COBL: variants seen among roughly 807,000 people sequenced by gnomAD.
COBL encodes the protein cordon-bleu WH2 repeat protein.
In COBL, 51 loss-of-function variants were observed where a neutral mutation model predicts 98.8. That is an observed-to-expected ratio of 0.52 (90% CI 0.41 to 0.65). The LOEUF is 0.65. COBL is among the 30% of genes least tolerant of loss of function. The pLI is 0.00. For missense variants in COBL, 1,617 were observed against 1,617.5 expected, an observed-to-expected ratio of 1.00 and a Z score of 0.01; for synonymous variants, 634 against 651.7, an observed-to-expected ratio of 0.97 and a Z score of 0.41.
At position 51,204,332 on chromosome 7, in the gene COBL, A is replaced by G. The variant is rs7792876; in HGVS notation, c.246-10743T>C. 5.9e-3 allele frequency among the ~76,000 whole-genome samples: 894 copies of G among 152,324 alleles called. 3 individuals are homozygous for G. The highest frequency in any genetic ancestry group is 0.01 in the Non-Finnish European group (701 of 68,032). On this transcript the variant is annotated intron_variant, in intron 2 of 12. Transcript: ENST00000265136. ...CAAAGCAAGGATGTCCGCTCTCACA[A>G]CTTCTATTCAATACAGTACTGGTAG...
At chr7:51,108,178 C>A (rs551083183) in intron 6 of COBL, among the ~76,000 whole-genome samples, 1 of 152,116 alleles carries the variant, frequency 6.6e-6, no homozygotes, top group African/African-American at 2.4e-5. Context: ...CAAGGATCCT[C>A]GGGCCAACAT....
At position 51,182,639 on chromosome 7, in the gene COBL, G is replaced by C. The variant is rs1165587114; in HGVS notation, c.783+1463C>G. ...CTGACAGGAAAGGAAGCTAGGAGAG[G>C]AGGAGGGAGAGTAGGGGGGAAGAGA... On this transcript the variant is annotated intron_variant, in intron 5 of 12. Coordinates refer to ENST00000265136, the MANE Select transcript of COBL (RefSeq NM_015198.5). 6.7e-5 allele frequency among the ~76,000 whole-genome samples: 7 copies of C among 104,258 alleles called. No homozygotes were observed. In the Admixed American group the frequency reaches 7.1e-4, roughly 11 times the overall value. 68.4% of individuals were successfully genotyped at this position (104,258 alleles called of 152,430 possible).
chr7:51,104,606 C>A (rs1796088849), intron 6 of COBL, among the ~76,000 whole-genome samples: 1 of 152,162 alleles, frequency 6.6e-6, no homozygotes, highest in African/African-American at 2.4e-5. Context: ...CACTGGTGGG[C>A]AGGTTATTCT....
intron 7 of COBL, chr7:51,071,655 G>A (rs1160513581): frequency 1.3e-5 from 2 of 152,180 alleles, no homozygotes; most frequent in Non-Finnish European, 2.9e-5. Context: ...TCTATGAGCA[G>A]TATCACTTTC....
chr7:51,224,413 G>T (rs1242397553), intron 1 of COBL, among the ~76,000 whole-genome samples: 1 of 152,140 alleles, frequency 6.6e-6, no homozygotes, highest in African/African-American at 2.4e-5. Context: ...GCTTTCTGAG[G>T]GAGAAAAAAC....
intron 2 of COBL, among the ~76,000 whole-genome samples, chr7:51,205,905 G>C (rs1237351919): frequency 6.6e-6 from 1 of 152,084 alleles, no homozygotes; most frequent in Non-Finnish European, 1.5e-5. Flanking sequence ...GATCTGAATA[G>C]ATATTTCTCA....
At chr7:51,165,463 T>C (rs1392443822) in intron 5 of COBL, among the ~76,000 whole-genome samples, 1 of 151,996 alleles carries the variant, frequency 6.6e-6, no homozygotes, top group Non-Finnish European at 1.5e-5. Context: ...TCCAGATATA[T>C]AAAGCAAATA....
intron 7 of COBL, among the ~76,000 whole-genome samples, chr7:51,062,126 T>C (rs947031693): frequency 9.9e-5 from 15 of 152,194 alleles, no homozygotes; most frequent in Non-Finnish European, 2.1e-4. Flanking sequence ...TTCTAATGCT[T>C]TGAATTTGTT....
At chr7:51,123,652 G>A (rs1452552534) in intron 6 of COBL, among the ~76,000 whole-genome samples, 1 of 152,208 alleles carries the variant, frequency 6.6e-6, no homozygotes, top group African/African-American at 2.4e-5. Flanking sequence ...TCAAGAAGAT[G>A]CATACAATTG....
intron 1 of COBL, among the ~76,000 whole-genome samples, chr7:51,270,456 G>A (rs1798653696): frequency 6.6e-6 from 1 of 152,222 alleles, no homozygotes; most frequent in African/African-American, 2.4e-5. Context: ...TCGTGGGGAA[G>A]AGAGGGTAAG....
At chr7:51,108,942 ACACACACACACACACC>A (rs747566558) in intron 6 of COBL, among the ~76,000 whole-genome samples, 783 of 52,072 alleles carry the variant, frequency 0.015, 4 homozygotes, top group East Asian at 0.06. Context: ...ACACACACAC[ACACACACACACACACC>A]CCCTGCCCCA....
intron 1 of COBL, among the ~76,000 whole-genome samples, chr7:51,270,570 G>A (rs1410050902): frequency 2.6e-5 from 4 of 152,100 alleles, no homozygotes; most frequent in Non-Finnish European, 5.9e-5. Context: ...AACAGATAAT[G>A]CAAATACAAA....
chr7:51,022,104 C>G (rs560745354), intron 12 of COBL, among the ~76,000 whole-genome samples: 2 of 152,194 alleles, frequency 1.3e-5, no homozygotes, highest in East Asian at 3.9e-4. Flanking sequence ...CTGGGATCAC[C>G]GGGCATGGTA....
intron 5 of COBL, among the ~76,000 whole-genome samples, chr7:51,177,209 T>C (rs2129047564): frequency 6.6e-6 from 1 of 152,296 alleles, no homozygotes; most frequent in African/African-American, 2.4e-5. Flanking sequence ...GGGGCAGAGC[T>C]ACGCTACATG....
At chr7:51,035,091 C>G (rs549621614) in intron 8 of COBL, 1 of 152,132 alleles carries the variant, frequency 6.6e-6, no homozygotes, top group African/African-American at 2.4e-5. Context: ...TTGGGATGGT[C>G]GGAGGGTGGC....
chr7:51,313,465 AC>A (rs1454297835), intron 1 of COBL, among the ~76,000 whole-genome samples: 2 of 152,258 alleles, frequency 1.3e-5, no homozygotes, highest in Non-Finnish European at 2.9e-5. Flanking sequence ...GAAATGAATA[AC>A]AGCTATGTGT....
At chr7:51,172,440 G>C in intron 5 of COBL, 2 of 1,280,762 alleles carry the variant, frequency 1.6e-6, no homozygotes, top group South Asian at 2.5e-5. Flanking sequence ...GCACCTGCTG[G>C]GGCATTAGTA....
intron 2 of COBL, among the ~76,000 whole-genome samples, chr7:51,217,812 AGT>A (rs1315207611): frequency 6.6e-6 from 1 of 152,216 alleles, no homozygotes; most frequent in Non-Finnish European, 1.5e-5. Flanking sequence ...ATATAGGAAA[AGT>A]GTACTTTGGC....
intron 2 of COBL, among the ~76,000 whole-genome samples, chr7:51,200,934 T>C (rs535056511): frequency 6.6e-6 from 1 of 152,126 alleles, no homozygotes; most frequent in African/African-American, 2.4e-5. Context: ...AAGAATGATA[T>C]TTCATGAAAA....
Sources: allele counts gnomAD v4.1 joint callset (sites outside exome capture counted in the v4.1 genomes callset), GRCh38; gene constraint gnomAD v4.1.1; transcripts MANE v1.5; gene names NCBI Gene and HGNC (gene_info 2026-07-23, HGNC 2026-07-21).